The following EPS8 variants were observed in gnomAD, a reference collection of about 807,000 sequenced individuals.
The protein encoded by EPS8 is epidermal growth factor receptor kinase substrate 8.
A neutral mutation model predicts 103.8 loss-of-function variants in EPS8; 42 were observed. The observed-to-expected ratio is 0.40, with a 90% confidence interval of 0.32 to 0.52. The LOEUF (loss-of-function observed/expected upper bound fraction) is 0.52, where lower values mean the gene tolerates loss of function less well. EPS8 is among the 20% of genes least tolerant of loss of function. EPS8 has a pLI of 0.40. For missense variants in EPS8, 969 were observed against 1,005.1 expected (o/e 0.96, Z 0.49); for synonymous variants, 344 against 344.6 (o/e 1.00, Z 0.02).
rs1023076903 is a variant in EPS8, at chr12:15,759,756, T to C, written c.-22+29405A>G. On this transcript the variant is annotated intron_variant, in intron 1 of 20. Coordinates refer to ENST00000281172, the MANE Select transcript of EPS8 (RefSeq NM_004447.6). This position sits in a 1 kb window ranked among gnomAD's most constrained non-coding sequence, Gnocchi z 4.9. Reference sequence around the variant, plus strand: ...AGAAACTAAGAAGGAAATTGAAGAATTTCTTGAAACAAATGATAATGGAAA... The same window carrying C: ...AGAAACTAAGAAGGAAATTGAAGAACTTCTTGAAACAAATGATAATGGAAA... 6.6e-6 allele frequency among the ~76,000 whole-genome samples: 1 copy of C among 152,032 alleles called. No homozygotes were observed. Among genetic ancestry groups the C allele is most frequent in the Non-Finnish European group, 1.5e-5 (1 of 67,946 alleles).
chr12:15,699,008 A>T (rs1946277707), intron 1 of EPS8, among the ~76,000 whole-genome samples: 1 of 152,196 alleles, frequency 6.6e-6, no homozygotes, highest in Admixed American at 6.5e-5. Context: ...CAAAGGACAG[A>T]TGATCCACAG....
At chr12:15,650,451 G>C (rs931570474) in intron 14 of EPS8, among the ~76,000 whole-genome samples, 1 of 152,124 alleles carries the variant, frequency 6.6e-6, no homozygotes, top group Non-Finnish European at 1.5e-5. Flanking sequence ...GCCTGATAAT[G>C]GGAGAGGAAA....
chr12:15,712,490 T>C (rs146926794), intron 1 of EPS8, among the ~76,000 whole-genome samples: 1 of 152,362 alleles, frequency 6.6e-6, no homozygotes, highest in East Asian at 1.9e-4. Flanking sequence ...TTTTAAACAT[T>C]TCGTATATTA....
In EPS8 at chr12:15,764,309, G is replaced by C. The variant is rs2136034784; in HGVS notation, c.-22+24852C>G. Among the ~76,000 whole-genome samples the C allele has an allele frequency of 6.6e-6, 1 of 152,292 alleles. No individual in the cohort carries two copies. The highest frequency in any genetic ancestry group is 1.5e-5 in the Non-Finnish European group (1 of 68,026). ...CTCATGACACATGGGAATTATGCAA[G>C]CTACAATTCAAGATGAGCTTTGGGT... On this transcript the variant is annotated intron_variant, in intron 1 of 20. Coordinates refer to ENST00000281172, the MANE Select transcript of EPS8 (RefSeq NM_004447.6). The surrounding 1 kb of genome is among the most constrained non-coding windows in gnomAD (Gnocchi z 4.1).
Position 15,734,265 on chromosome 12 carries a change from C to G in EPS8, c.-21-51293G>C, listed in dbSNP as rs1405835235. 6.6e-6 allele frequency among the ~76,000 whole-genome samples: 1 copy of G among 152,212 alleles called. No homozygotes were observed. The highest frequency in any genetic ancestry group is 2.4e-5 in the African/African-American group (1 of 41,460). ...TCAGTTTAGTTTTGTTTTCTCTCCT[C>G]CTCAGCTGCTTCCTCCTCTTCCTTT... On this transcript the variant is annotated intron_variant, in intron 1 of 20. Transcript: ENST00000281172. The surrounding 1 kb of genome is among the most constrained non-coding windows in gnomAD (Gnocchi z 4.1).
rs1945871081 is a variant in EPS8 at position 15,674,550 on chromosome 12, G to A, written c.137-3627C>T. Among the ~76,000 whole-genome samples the A allele has an allele frequency of 2.0e-5, 3 of 152,254 alleles. No individual in the cohort carries two copies. The South Asian group carries it at 6.2e-4, about 32-fold the overall frequency. ...CAACTACAATCACAGCTTGACAAAT[G>A]AGTATCCGAACCAACATACCATTAT... On this transcript the variant is annotated intron_variant, in intron 3 of 20. Coordinates refer to ENST00000281172, the MANE Select transcript of EPS8 (RefSeq NM_004447.6).
chr12:15,726,808 A>G (rs535358425), intron 1 of EPS8, among the ~76,000 whole-genome samples: 1 of 152,332 alleles, frequency 6.6e-6, no homozygotes, highest in African/African-American at 2.4e-5. Flanking sequence ...AGTGTGTACT[A>G]TATTAGGGAT....
At chr12:15,631,397 C>T (rs1945042208) in intron 18 of EPS8, 45 bp downstream of exon 18, 1 of 1,611,366 alleles carries the variant, frequency 6.2e-7, no homozygotes, top group Non-Finnish European at 8.5e-7. Flanking sequence ...CTTAGTAGTG[C>T]TTTTAATTTG....
intron 12 of EPS8, among the ~76,000 whole-genome samples, chr12:15,654,705 T>C (rs1268374454): frequency 6.6e-6 from 1 of 152,058 alleles, no homozygotes; most frequent in East Asian, 1.9e-4. Flanking sequence ...ATGAGTACTA[T>C]CAAGAGAAAC....
chr12:15,677,176 A>G (rs4628729), intron 3 of EPS8, among the ~76,000 whole-genome samples: 1 of 152,172 alleles, frequency 6.6e-6, no homozygotes, highest in Non-Finnish European at 1.5e-5. Context: ...GTGACTCTCC[A>G]GTACCACTCC....
At chr12:15,651,099 C>T in intron 13 of EPS8, 93 bp from the exon 14 acceptor site, 1 of 958,658 alleles carries the variant, frequency 1.0e-6, no homozygotes, top group Non-Finnish European at 1.6e-6. Flanking sequence ...TACACACGCA[C>T]ACACACATAA....
In EPS8 at chr12:15,698,086, G is replaced by A. The variant is rs960622193; in HGVS notation, c.-21-15114C>T. Among the ~76,000 whole-genome samples the A allele has an allele frequency of 2.6e-5, 4 of 151,936 alleles. No individual in the cohort carries two copies. The highest frequency in any genetic ancestry group is 2.6e-4 in the Admixed American group (4 of 15,252). On this transcript the variant is annotated intron_variant, in intron 1 of 20. Transcript: ENST00000281172. The surrounding 1 kb of genome is among the most constrained non-coding windows in gnomAD (Gnocchi z 4.9). ...GCAACATATGTTTTACAAAGCATGG[G>A]GACATATGAATGATTATGAAAGAAA...
intron 3 of EPS8, among the ~76,000 whole-genome samples, chr12:15,676,454 A>G (rs960752548): frequency 3.3e-5 from 5 of 152,088 alleles, no homozygotes; most frequent in South Asian, 4.2e-4. Flanking sequence ...ATATTCAAAA[A>G]GGAGATGAAT....
Position 15,706,240 on chromosome 12 carries a change from A to G in EPS8, c.-21-23268T>C, listed in dbSNP as rs1474812795. Reference sequence around the variant, plus strand: ...GGCCTGTGCACTGGGGTGGAGCCTGAGCAAGTTTGCACCTTTGCAGAGGGG... The same window carrying G: ...GGCCTGTGCACTGGGGTGGAGCCTGGGCAAGTTTGCACCTTTGCAGAGGGG... On this transcript the variant is annotated intron_variant, in intron 1 of 20. Transcript: ENST00000281172. This position sits in a 1 kb window ranked among gnomAD's most constrained non-coding sequence, Gnocchi z 5.2. Among the ~76,000 whole-genome samples, 4 of 152,186 alleles carry G rather than the reference A, an allele frequency of 2.6e-5. No homozygotes were observed. Among genetic ancestry groups the G allele is most frequent in the African/African-American group, 9.7e-5 (4 of 41,440 alleles).
intron 9 of EPS8, 129 bp downstream of exon 9, chr12:15,661,897 C>T (rs1945611570): frequency 1.4e-6 from 1 of 695,072 alleles, no homozygotes; most frequent in Non-Finnish European, 2.5e-6. Flanking sequence ...AAGGGCATAG[C>T]CATCACAGGT....
intron 1 of EPS8, among the ~76,000 whole-genome samples, chr12:15,742,975 C>T (rs1445924438): frequency 6.6e-6 from 1 of 152,154 alleles, no homozygotes; most frequent in Non-Finnish European, 1.5e-5. Flanking sequence ...TCAAATTGTC[C>T]CTGTTTGCAG....
At chr12:15,626,991 T>C (rs7309173) in intron 18 of EPS8, among the ~76,000 whole-genome samples, 2,474 of 152,192 alleles carry the variant, frequency 0.016, 46 homozygotes, top group African/African-American at 0.047. Context: ...TCTTGATAGA[T>C]AGTTTTGTCT....
At position 15,785,408 on chromosome 12, in the gene EPS8, G is replaced by C. The variant is rs1383609802; in HGVS notation, c.-22+3753C>G. On this transcript the variant is annotated intron_variant, in intron 1 of 20. Coordinates refer to ENST00000281172, the MANE Select transcript of EPS8 (RefSeq NM_004447.6). This position sits in a 1 kb window ranked among gnomAD's most constrained non-coding sequence, Gnocchi z 4.9. Reference sequence around the variant, plus strand: ...TGAATGATTAAGCAAATGTATGGCAGATGGTGCAAACCAGGTTTCTTCTCA... The same window carrying C: ...TGAATGATTAAGCAAATGTATGGCACATGGTGCAAACCAGGTTTCTTCTCA... Among the ~76,000 whole-genome samples the C allele has an allele frequency of 6.6e-6, 1 of 152,138 alleles. No individual in the cohort carries two copies. Among genetic ancestry groups the C allele is most frequent in the African/African-American group, 2.4e-5 (1 of 41,458 alleles).
chr12:15,655,343 TA>T (rs1945488586), intron 12 of EPS8, among the ~76,000 whole-genome samples: 1 of 152,300 alleles, frequency 6.6e-6, no homozygotes, highest in South Asian at 2.1e-4. Flanking sequence ...TTATGCATAT[TA>T]GTAACACCCT....
Sources: gnomAD v4.1 joint callset for allele counts (sites outside exome capture counted in the v4.1 genomes callset) on GRCh38, gnomAD v4.1.1 for gene constraint, Gnocchi (gnomAD v3.1) non-coding constraint, MANE v1.5 for transcripts, NCBI Gene and HGNC (gene_info 2026-07-23, HGNC 2026-07-21) for gene names.